The following PGAP1 variants were observed in gnomAD, a reference collection of about 807,000 sequenced individuals.
The protein encoded by PGAP1 is post-GPI attachment to proteins inositol deacylase 1.
In PGAP1, 76 loss-of-function variants were observed where a neutral mutation model predicts 127.0. The ratio of observed to expected loss-of-function variants is 0.60; its 90% CI spans 0.50 to 0.72. The LOEUF is 0.72. Ranked by LOEUF, PGAP1 falls within the 30% of genes least tolerant of loss-of-function variation. The pLI is 0.00. For missense variants in PGAP1, 982 were observed against 1,071.3 expected (o/e 0.92, Z 1.16); for synonymous variants, 362 against 366.5 (o/e 0.99, Z 0.14).
chr2:196,849,440 AT>A (rs1170104400), intron 20 of PGAP1, among the ~76,000 whole-genome samples: 1,651 of 128,004 alleles, frequency 0.013, 10 homozygotes, highest in East Asian at 0.033. Context: ...ATTTTTTTGT[AT>A]TTTTTTTTTT....
chr2:196,903,282 C>T (rs1430598807), intron 4 of PGAP1, among the ~76,000 whole-genome samples: 2 of 151,644 alleles, frequency 1.3e-5, no homozygotes, highest in African/African-American at 4.8e-5. Context: ...TAGATCCCTC[C>T]CTATGATGGC....
rs566717804 is a variant in PGAP1 at position 196,896,828 on chromosome 2, TAAAAAAAAAAAAA to T, written c.927+290_927+302del. Among the ~76,000 whole-genome samples the T allele has an allele frequency of 1.2e-4, 11 of 90,602 alleles. No homozygotes were observed. In the South Asian group the frequency reaches 4.2e-3, roughly 35 times the overall value. 59.4% of individuals were successfully genotyped at this position (90,602 alleles called of 152,430 possible). A position where few individuals can be genotyped will look rare whatever the true frequency, so the allele number is the denominator to read the frequency against. Reference sequence around the variant, plus strand: ...TGTGCAACAGAGTGAGACTCCATCTTAAAAAAAAAAAAAAAAAAAAAAAGGAAGGATATATGTC... The same window carrying T: ...TGTGCAACAGAGTGAGACTCCATCTTAAAAAAAAAAGGAAGGATATATGTC... On this transcript the variant is annotated intron_variant, in intron 7 of 26. Coordinates refer to ENST00000354764, the MANE Select transcript of PGAP1 (RefSeq NM_024989.4).
At chr2:196,841,563 G>T (rs2125774222) in intron 26 of PGAP1, among the ~76,000 whole-genome samples, 191 bp from the exon 27 acceptor site, 1 of 152,182 alleles carries the variant, frequency 6.6e-6, no homozygotes, top group African/African-American at 2.4e-5. Flanking sequence ...TGTTGCCCAG[G>T]CTGGAGTGCA....
intron 26 of PGAP1, among the ~76,000 whole-genome samples, 192 bp from the exon 27 acceptor site, chr2:196,841,564 C>T (rs904387272): frequency 2.0e-5 from 3 of 152,196 alleles, no homozygotes; most frequent in Non-Finnish European, 2.9e-5. Flanking sequence ...GTTGCCCAGG[C>T]TGGAGTGCAG....
chr2:196,885,463 A>G lies in PGAP1; in HGVS notation c.1233T>C (p.Val411=). The change falls in exon 12 of 27, where the codon GTT becomes GTC. Residue 411 remains valine (V), a synonymous_variant. Coordinates refer to ENST00000354764, the MANE Select transcript of PGAP1 (RefSeq NM_024989.4). ...GCAGTTCAGCTTTCCATGATAAATCAACCCCTTGCAGGCTTTGAAATAAAT... is the reference window on the plus strand; with the variant it reads ...GCAGTTCAGCTTTCCATGATAAATCGACCCCTTGCAGGCTTTGAAATAAAT... The part of the protein sequence containing the change: ...INSTSMCLQG[V]DLSWKAELLP... 1 of 1,602,140 alleles carries G rather than the reference A, an allele frequency of 6.2e-7. No individual in the cohort carries two copies. Among genetic ancestry groups the G allele is most frequent in the Non-Finnish European group, 8.5e-7 (1 of 1,172,832 alleles).
chr2:196,926,396 G>A, intron 1 of PGAP1, 74 bp downstream of exon 1: 1 of 1,600,218 alleles, frequency 6.2e-7, no homozygotes, highest in South Asian at 1.1e-5. Context: ...AAGGCAGGAC[G>A]AACCCACAGA....
At chr2:196,898,229 A>G in intron 6 of PGAP1, 88 bp downstream of exon 6, 1 of 982,314 alleles carries the variant, frequency 1.0e-6, no homozygotes. Flanking sequence ...AAAAAAAAAA[A>G]AAGTTAACAA....
chr2:196,837,706 G>T lies in PGAP1; in HGVS notation c.*3528C>A, dbSNP rs966869346. ...GTAAGTTTGTGTGAATTTTGGAAAT[G>T]AGTAGTATCACATGAATGACAAGAC... On this transcript the variant is annotated 3_prime_UTR_variant, in exon 27 of 27. Transcript: ENST00000354764. 6.6e-6 allele frequency: 1 copy of T among 152,166 alleles called. No homozygotes were observed. The highest frequency in any genetic ancestry group is 1.5e-5 in the Non-Finnish European group (1 of 68,006). The allele number at this position is 152,166 out of a possible 1,614,324, so 9.4% of individuals were successfully genotyped here. A position where few individuals can be genotyped will look rare whatever the true frequency, so the allele number is the denominator to read the frequency against.
chr2:196,894,569 A>C (rs1576168100), intron 7 of PGAP1, among the ~76,000 whole-genome samples: 1 of 152,152 alleles, frequency 6.6e-6, no homozygotes, highest in Non-Finnish European at 1.5e-5. Flanking sequence ...TTGGGAGGCC[A>C]AGACGGGTGG....
intron 20 of PGAP1, among the ~76,000 whole-genome samples, chr2:196,850,555 G>A (rs905923317): frequency 6.6e-6 from 1 of 152,174 alleles, no homozygotes; most frequent in Non-Finnish European, 1.5e-5. Context: ...GCAAATTTGG[G>A]AGAGAGGGAC....
chr2:196,887,068 T>C (rs1701934249), intron 10 of PGAP1, among the ~76,000 whole-genome samples: 1 of 152,222 alleles, frequency 6.6e-6, no homozygotes. Context: ...ATGGAAATGC[T>C]GCAGAGATGA....
At chr2:196,911,892 A>G (rs1338010455) in intron 4 of PGAP1, among the ~76,000 whole-genome samples, 3 of 152,166 alleles carry the variant, frequency 2.0e-5, no homozygotes, top group Non-Finnish European at 4.4e-5. Flanking sequence ...AGTATTATCT[A>G]CGGTTTTATT....
intron 7 of PGAP1, among the ~76,000 whole-genome samples, chr2:196,895,739 G>A (rs1702249351): frequency 6.6e-6 from 1 of 152,148 alleles, no homozygotes; most frequent in African/African-American, 2.4e-5. Flanking sequence ...TTCTAAGACA[G>A]TACACTACAG....
At chr2:196,885,273 A>G in intron 12 of PGAP1, 151 bp downstream of exon 12, 1 of 518,580 alleles carries the variant, frequency 1.9e-6, no homozygotes, top group East Asian at 3.1e-5. Flanking sequence ...TATCAAATGT[A>G]TTTCTAGAGA....
chr2:196,892,248 T>G (rs1702122396), intron 9 of PGAP1, 98 bp downstream of exon 9: 1 of 590,292 alleles, frequency 1.7e-6, no homozygotes, highest in Admixed American at 3.4e-5. Context: ...GAAAATGGCA[T>G]GCAGTTATCT....
chr2:196,887,494 T>C (rs913252234), intron 10 of PGAP1, among the ~76,000 whole-genome samples: 1 of 152,214 alleles, frequency 6.6e-6, no homozygotes, highest in Admixed American at 6.5e-5. Context: ...GATATGATTA[T>C]CTAACTAGTG....
At chr2:196,862,818 T>C (rs1452825376) in intron 20 of PGAP1, among the ~76,000 whole-genome samples, 1 of 152,202 alleles carries the variant, frequency 6.6e-6, no homozygotes, top group Non-Finnish European at 1.5e-5. Context: ...CTTGGGAGGC[T>C]GAGGCAGGAG....
chr2:196,859,471 A>G lies in PGAP1; in HGVS notation c.1861+5516T>C, dbSNP rs533410149. On this transcript the variant is annotated intron_variant, in intron 20 of 26. Transcript: ENST00000354764. ...AATATCAATACTAGTCAATATTCCA[A>G]AAAAAAACACTGAAGAGAAAGAAGT... 2.0e-5 allele frequency among the ~76,000 whole-genome samples: 3 copies of G among 152,128 alleles called. No homozygotes were observed. The East Asian group carries it at 5.8e-4, about 29-fold the overall frequency.
intron 20 of PGAP1, among the ~76,000 whole-genome samples, chr2:196,863,823 C>T (rs1364944931): frequency 1.3e-5 from 2 of 152,026 alleles, no homozygotes; most frequent in South Asian, 4.1e-4. Context: ...AGGTGATCCG[C>T]CCGCCTCGGC....
Sources: gnomAD v4.1 joint callset for allele counts (sites outside exome capture counted in the v4.1 genomes callset) on GRCh38, gnomAD v4.1.1 for gene constraint, MANE v1.5 for transcripts, NCBI Gene and HGNC (gene_info 2026-07-23, HGNC 2026-07-21) for gene names.